ARL15: variants seen among roughly 807,000 people sequenced by gnomAD.
ARL15 encodes ADP-ribosylation factor-like protein 15.
A neutral mutation model predicts 25.2 loss-of-function variants in ARL15; 19 were observed. That is an observed-to-expected ratio of 0.75 (90% CI 0.53 to 1.10). The LOEUF (loss-of-function observed/expected upper bound fraction) is 1.10. Among genes scored for constraint, ARL15 ranks in the 50% least tolerant of loss-of-function variants. The pLI is 0.00. For missense variants in ARL15, 220 were observed against 246.0 expected, an observed-to-expected ratio of 0.89 and a Z score of 0.71; for synonymous variants, 94 against 86.8, an observed-to-expected ratio of 1.08 and a Z score of -0.46.
In ARL15 at chr5:53,884,985, C is replaced by T. The variant is rs1260176096; in HGVS notation, c.*1576G>A. The T allele has an allele frequency of 3.9e-5, 6 of 151,918 alleles. No homozygotes were observed. The highest frequency in any genetic ancestry group is 7.4e-5 in the Non-Finnish European group (5 of 67,884). 9.4% of individuals were successfully genotyped at this position (151,918 alleles called of 1,614,324 possible). ...GATTCATGACATTAAAAAAAAAAAG[C>T]TTAAAGAAGTGTTTGATGTTTCAAA... On this transcript the variant is annotated 3_prime_UTR_variant, in exon 5 of 5. Coordinates refer to ENST00000504924, the MANE Select transcript of ARL15 (RefSeq NM_019087.3).
chr5:53,913,891 T>C (rs1028645469), intron 4 of ARL15, among the ~76,000 whole-genome samples: 1 of 152,172 alleles, frequency 6.6e-6, no homozygotes, highest in Non-Finnish European at 1.5e-5. Flanking sequence ...TCACGCTATC[T>C]TGAAGTACAA....
chr5:54,074,483 GAAGAT>G (rs1751527993), intron 4 of ARL15, among the ~76,000 whole-genome samples: 1 of 152,192 alleles, frequency 6.6e-6, no homozygotes, highest in Non-Finnish European at 1.5e-5. Flanking sequence ...GAAGAATAAA[GAAGAT>G]AAGATCCTAA....
intron 3 of ARL15, among the ~76,000 whole-genome samples, chr5:54,137,250 C>T (rs1241067312): frequency 6.6e-6 from 1 of 152,100 alleles, no homozygotes; most frequent in Non-Finnish European, 1.5e-5. Context: ...CCAAATGATG[C>T]ACATGGCCGT....
intron 4 of ARL15, among the ~76,000 whole-genome samples, chr5:53,902,043 CCTCT>C (rs1360976860): frequency 6.6e-6 from 1 of 152,144 alleles, no homozygotes; most frequent in Non-Finnish European, 1.5e-5. Flanking sequence ...AAATTTCATC[CCTCT>C]AAGACCTTAC....
chr5:54,023,476 C>G (rs1336667622), intron 4 of ARL15, among the ~76,000 whole-genome samples: 1 of 151,650 alleles, frequency 6.6e-6, no homozygotes, highest in African/African-American at 2.4e-5. Flanking sequence ...AGGATTGACT[C>G]TAAAGGGGTA....
intron 1 of ARL15, among the ~76,000 whole-genome samples, chr5:54,194,356 C>T (rs1400734999): frequency 6.6e-6 from 1 of 152,068 alleles, no homozygotes; most frequent in East Asian, 1.9e-4. Flanking sequence ...CAAGGCTCCT[C>T]ACCTCTCCAT....
At chr5:54,099,802 A>G (rs1277562429) in intron 4 of ARL15, among the ~76,000 whole-genome samples, 1 of 152,128 alleles carries the variant, frequency 6.6e-6, no homozygotes, top group Non-Finnish European at 1.5e-5. Flanking sequence ...CATTCACTAC[A>G]AGGTAGGTTC....
At position 53,973,928 on chromosome 5, in the gene ARL15, G is replaced by C. The variant is rs562462893; in HGVS notation, c.463-87215C>G. ...TTTGTATATGTGGGCATATAATAAA[G>C]TCTTTAAAATTTTATGTTGACTTTG... is the stretch of plus-strand genomic sequence containing the variant. On this transcript the variant is annotated intron_variant, in intron 4 of 4. Coordinates refer to ENST00000504924, the MANE Select transcript of ARL15 (RefSeq NM_019087.3). Among the ~76,000 whole-genome samples the C allele has an allele frequency of 2.6e-5, 4 of 151,788 alleles. No homozygotes were observed. In the East Asian group the frequency reaches 7.7e-4, roughly 29 times the overall value.
At chr5:54,245,687 A>C (rs1757070730) in intron 1 of ARL15, among the ~76,000 whole-genome samples, 1 of 151,910 alleles carries the variant, frequency 6.6e-6, no homozygotes, top group African/African-American at 2.4e-5. Flanking sequence ...TCTTGAGTTC[A>C]CGTGATTCTC....
intron 1 of ARL15, among the ~76,000 whole-genome samples, chr5:54,282,804 G>A (rs1758093561): frequency 6.6e-6 from 1 of 152,006 alleles, no homozygotes; most frequent in Non-Finnish European, 1.5e-5. Context: ...GTTATGAATG[G>A]GCTAAATTTT....
intron 1 of ARL15, among the ~76,000 whole-genome samples, chr5:54,288,147 C>A (rs1758227510): frequency 6.6e-6 from 1 of 152,060 alleles, no homozygotes; most frequent in African/African-American, 2.4e-5. Flanking sequence ...AGAAGTAGAC[C>A]CAGAGAGAAA....
chr5:53,979,801 A>G (rs938570744), intron 4 of ARL15, among the ~76,000 whole-genome samples: 9 of 151,210 alleles, frequency 6.0e-5, no homozygotes, highest in African/African-American at 2.0e-4. Flanking sequence ...ACTCTGCCTC[A>G]GTCACAGTTG....
At chr5:54,058,564 T>C (rs1750961309) in intron 4 of ARL15, among the ~76,000 whole-genome samples, 1 of 151,982 alleles carries the variant, frequency 6.6e-6, no homozygotes, top group Non-Finnish European at 1.5e-5. Context: ...ATGAAGAAAG[T>C]CTTGAAGACA....
At chr5:54,020,729 G>A (rs867683731) in intron 4 of ARL15, among the ~76,000 whole-genome samples, 6 of 151,132 alleles carry the variant, frequency 4.0e-5, no homozygotes, top group South Asian at 4.2e-4. Flanking sequence ...TCAGGTGGCC[G>A]GGAGGTCAGG....
chr5:54,079,835 T>C (rs892049471), intron 4 of ARL15, among the ~76,000 whole-genome samples: 2 of 151,764 alleles, frequency 1.3e-5, no homozygotes, highest in Admixed American at 6.6e-5. Flanking sequence ...CCAGGCCTGG[T>C]GGCACATGCC....
intron 4 of ARL15, among the ~76,000 whole-genome samples, chr5:54,044,749 G>A (rs900421372): frequency 6.6e-6 from 1 of 152,018 alleles, no homozygotes; most frequent in African/African-American, 2.4e-5. Flanking sequence ...TCTATATATT[G>A]TTTGCAAAAT....
chr5:54,029,306 TACCACCACC>T lies in ARL15; in HGVS notation c.462+83887_462+83895del, dbSNP rs1168500786. The stretch of plus-strand genomic sequence containing the variant: ...AAAATAGTTAATTTATAAAAACAGT[TACCACCACC>T]ACCACCACCACCACCACTACCACCA... On this transcript the variant is annotated intron_variant, in intron 4 of 4. Transcript: ENST00000504924. Among the ~76,000 whole-genome samples the T allele has an allele frequency of 2.3e-4, 28 of 120,016 alleles. 1 individual carries two copies. Among genetic ancestry groups the T allele is most frequent in the Non-Finnish European group, 4.0e-4 (22 of 54,788 alleles). The allele number at this position is 120,016 out of a possible 152,430, so 78.7% of individuals were successfully genotyped here.
rs375048073 is a variant in ARL15 at position 54,109,041 on chromosome 5, CTT to C, written c.462+4159_462+4160del. On this transcript the variant is annotated intron_variant, in intron 4 of 4. Coordinates refer to ENST00000504924, the MANE Select transcript of ARL15 (RefSeq NM_019087.3). The stretch of plus-strand genomic sequence containing the variant: ...GCAAATACTTTTCTCGCATTTATAT[CTT>C]GTTTTTCAAACATAACACAAAGTTC... Among the ~76,000 whole-genome samples the C allele has an allele frequency of 2.7e-3, 417 of 152,106 alleles. 1 individual carries two copies. Among genetic ancestry groups the C allele is most frequent in the African/African-American group, 9.6e-3 (398 of 41,548 alleles).
chr5:54,170,640 C>T (rs1057181399), intron 2 of ARL15, among the ~76,000 whole-genome samples: 4 of 152,140 alleles, frequency 2.6e-5, no homozygotes, highest in African/African-American at 9.7e-5. Context: ...TTTCCACCCC[C>T]TCACCTTATT....
Sources: allele counts gnomAD v4.1 joint callset (sites outside exome capture counted in the v4.1 genomes callset), GRCh38; gene constraint gnomAD v4.1.1; transcripts MANE v1.5; gene names NCBI Gene and HGNC (gene_info 2026-07-23, HGNC 2026-07-21).